Variants in PLS1 observed in about 807,000 individuals in gnomAD.
PLS1 encodes plastin-1.
Under a neutral mutation model 73.7 loss-of-function variants are expected in PLS1, and 32 were observed. The observed-to-expected ratio is 0.43, with a 90% CI of 0.33 to 0.58. The LOEUF (loss-of-function observed/expected upper bound fraction) is 0.58. Among genes scored for constraint, PLS1 ranks in the 20% least tolerant of loss-of-function variants. PLS1 has a pLI of 0.04. For missense variants in PLS1, 633 were observed against 740.5 expected (o/e 0.85, Z 1.68); for synonymous variants, 217 against 261.3 (o/e 0.83, Z 1.63).
chr3:142,688,615 T>G (rs147892737), intron 9 of PLS1, among the ~76,000 whole-genome samples: 105 of 152,342 alleles, frequency 6.9e-4, no homozygotes, highest in African/African-American at 2.3e-3. Context: ...TTTCTTTTTA[T>G]GTAGTTTCCC....
At chr3:142,655,787 C>T (rs1002061978) in intron 1 of PLS1, among the ~76,000 whole-genome samples, 2 of 151,762 alleles carry the variant, frequency 1.3e-5, no homozygotes, top group Non-Finnish European at 2.9e-5. Flanking sequence ...TCACTTTACC[C>T]CCGGTGCGCT....
chr3:142,644,455 G>A (rs959667191), intron 1 of PLS1, among the ~76,000 whole-genome samples: 1 of 151,910 alleles, frequency 6.6e-6, no homozygotes, highest in African/African-American at 2.4e-5. Flanking sequence ...GTCTCTCTGT[G>A]TTGTCCAGGC....
intron 6 of PLS1, among the ~76,000 whole-genome samples, chr3:142,683,631 A>T (rs890392081): frequency 3.3e-5 from 5 of 152,228 alleles, no homozygotes; most frequent in Non-Finnish European, 5.9e-5. Flanking sequence ...AGTTACTTTA[A>T]AATTATCTTA....
rs1267266144 is a variant in PLS1 at position 142,713,544 on chromosome 3, T to C, written c.*1537T>C. Reference sequence around the variant, plus strand: ...TTTATAAGATTATTTAAATTATGTTTCCCTCTGATTTTTTTTCACCATTGT... The same window carrying C: ...TTTATAAGATTATTTAAATTATGTTCCCCTCTGATTTTTTTTCACCATTGT... On this transcript the variant is annotated 3_prime_UTR_variant, in exon 16 of 16. Transcript: ENST00000457734. The C allele has an allele frequency of 6.6e-6, 1 of 152,594 alleles. No individual in the cohort carries two copies. The highest frequency in any genetic ancestry group is 1.9e-4 in the East Asian group (1 of 5,200). The allele number at this position is 152,594 out of a possible 1,614,324, so 9.5% of individuals were successfully genotyped here.
At chr3:142,698,994 G>C (rs944158910) in intron 12 of PLS1, among the ~76,000 whole-genome samples, 5 of 152,116 alleles carry the variant, frequency 3.3e-5, no homozygotes, top group African/African-American at 1.2e-4. Context: ...AATAGTGTTT[G>C]ACAGGAACAG....
chr3:142,610,301 A>G (rs760661539), intron 1 of PLS1, among the ~76,000 whole-genome samples: 1 of 152,206 alleles, frequency 6.6e-6, no homozygotes, highest in African/African-American at 2.4e-5. Flanking sequence ...CACCGTGCAG[A>G]TAGCTCCCCT....
At chr3:142,611,740 G>A (rs1025338286) in intron 1 of PLS1, among the ~76,000 whole-genome samples, 60 of 152,150 alleles carry the variant, frequency 3.9e-4, no homozygotes, top group African/African-American at 1.4e-3. Flanking sequence ...GAGGACCATT[G>A]ATTTTATGAT....
chr3:142,670,962 G>T, intron 3 of PLS1, 31 bp from the exon 4 acceptor site: 1 of 1,489,794 alleles, frequency 6.7e-7, no homozygotes, highest in East Asian at 2.3e-5. Context: ...TTGATTATCT[G>T]ATTCTCAATT....
chr3:142,623,937 G>A (rs2036365121), intron 1 of PLS1, among the ~76,000 whole-genome samples: 1 of 152,098 alleles, frequency 6.6e-6, no homozygotes, highest in Non-Finnish European at 1.5e-5. Flanking sequence ...TGAAGTGACT[G>A]AATGCACTCT....
chr3:142,637,451 A>G (rs2036718832), intron 1 of PLS1, among the ~76,000 whole-genome samples: 1 of 152,230 alleles, frequency 6.6e-6, no homozygotes, highest in Non-Finnish European at 1.5e-5. Flanking sequence ...CACTTTCTTA[A>G]TAGTGACAGT....
intron 12 of PLS1, among the ~76,000 whole-genome samples, chr3:142,699,915 G>T (rs2038291801): frequency 6.6e-6 from 1 of 152,096 alleles, no homozygotes; most frequent in Non-Finnish European, 1.5e-5. Flanking sequence ...AATTTCATTT[G>T]ATTTGCATAT....
chr3:142,670,913 A>G, intron 3 of PLS1, 80 bp from the exon 4 acceptor site: 1 of 919,414 alleles, frequency 1.1e-6, no homozygotes, highest in South Asian at 1.6e-5. Context: ...CATTTCAAAT[A>G]AAGAAGTGTA....
At chr3:142,613,170 C>G (rs2036154392) in intron 1 of PLS1, among the ~76,000 whole-genome samples, 1 of 152,070 alleles carries the variant, frequency 6.6e-6, no homozygotes, top group Non-Finnish European at 1.5e-5. Flanking sequence ...ATACAGTTTA[C>G]TTTCCCATTT....
intron 1 of PLS1, among the ~76,000 whole-genome samples, chr3:142,609,530 G>A (rs2036081397): frequency 6.6e-6 from 1 of 152,128 alleles, no homozygotes; most frequent in Non-Finnish European, 1.5e-5. Context: ...TAATAGCAAG[G>A]GCCTAGAAAT....
At chr3:142,688,745 G>A (rs1334871461) in intron 9 of PLS1, among the ~76,000 whole-genome samples, 1 of 152,058 alleles carries the variant, frequency 6.6e-6, no homozygotes, top group Non-Finnish European at 1.5e-5. Context: ...ATCTCTAAGA[G>A]TTACCCATAT....
intron 6 of PLS1, among the ~76,000 whole-genome samples, chr3:142,678,801 C>A (rs932250334): frequency 4.6e-5 from 7 of 151,608 alleles, no homozygotes; most frequent in Admixed American, 1.3e-4. Context: ...AATGAGATGG[C>A]TGGGTCAAAT....
At chr3:142,608,973 A>G (rs1325233128) in intron 1 of PLS1, among the ~76,000 whole-genome samples, 2 of 152,208 alleles carry the variant, frequency 1.3e-5, no homozygotes, top group African/African-American at 4.8e-5. Context: ...AGTTTTTTCA[A>G]TAAGTGAGTG....
At chr3:142,703,617 G>A (rs2038382395) in intron 12 of PLS1, among the ~76,000 whole-genome samples, 1 of 152,134 alleles carries the variant, frequency 6.6e-6, no homozygotes, top group African/African-American at 2.4e-5. Flanking sequence ...GATTTTTAGA[G>A]TAGGAAGGGA....
Position 142,684,336 on chromosome 3 carries a change from A to G in PLS1, c.829A>G (p.Asn277Asp). The G allele has an allele frequency of 5.0e-6, 8 of 1,613,326 alleles. No homozygotes were observed. The highest frequency in any genetic ancestry group is 6.8e-6 in the Non-Finnish European group (8 of 1,179,260). Residue 277 changes from asparagine to aspartate, a missense_variant, in exon 8 of 16, where the codon AAC (asparagine) becomes GAC (aspartate). Transcript: ENST00000457734. ...CGAGGAATTACTGCTGCGATGGGTGAACTACCATCTGACCAATGCAGGATG... is the reference window on the plus strand; with the variant it reads ...CGAGGAATTACTGCTGCGATGGGTGGACTACCATCTGACCAATGCAGGATG... ...SPEELLLRWV[N>D]YHLTNAGWHT...
Sources: gnomAD v4.1 joint callset for allele counts (sites outside exome capture counted in the v4.1 genomes callset) on GRCh38, gnomAD v4.1.1 for gene constraint, MANE v1.5 for transcripts, NCBI Gene and HGNC (gene_info 2026-07-23, HGNC 2026-07-21) for gene names.